Variants in ZNF326 observed in about 807,000 individuals in gnomAD.
The protein encoded by ZNF326 is zinc finger protein 326, also known as DBIRD complex subunit ZNF326.
Under a neutral mutation model 63.1 loss-of-function variants are expected in ZNF326, and 30 were observed. That is an observed-to-expected ratio of 0.48 (90% CI 0.36 to 0.64). The LOEUF (loss-of-function observed/expected upper bound fraction) is 0.64. ZNF326 is among the 30% of genes least tolerant of loss of function. The pLI, the probability that ZNF326 is intolerant of heterozygous loss-of-function variation, is 0.00. For missense variants in ZNF326, 609 were observed against 720.3 expected, an observed-to-expected ratio of 0.85 and a Z score of 1.77; for synonymous variants, 194 against 228.2, an observed-to-expected ratio of 0.85 and a Z score of 1.35.
At chr1:90,014,702 C>T (rs1021061636) in intron 7 of ZNF326, among the ~76,000 whole-genome samples, 3 of 152,124 alleles carry the variant, frequency 2.0e-5, no homozygotes, top group Non-Finnish European at 4.4e-5. Context: ...ACAAAACAAT[C>T]CATAAAAAGA....
In ZNF326 at chr1:90,026,091, G is replaced by A. The variant is rs367806450; in HGVS notation, c.1402-1263G>A. 2.2e-4 allele frequency among the ~76,000 whole-genome samples: 33 copies of A among 152,012 alleles called. No homozygotes were observed. In the South Asian group the frequency reaches 6.4e-3, roughly 30 times the overall value. ...CCATTCTCCTGTCTCAGTTTCCTGA[G>A]TAGCTGGGACTACAGGTGCCTGCTA... On this transcript the variant is annotated intron_variant, in intron 11 of 11. Transcript: ENST00000340281.
At chr1:89,997,205 A>C (rs1251221369) in intron 1 of ZNF326, among the ~76,000 whole-genome samples, 1 of 152,186 alleles carries the variant, frequency 6.6e-6, no homozygotes, top group Non-Finnish European at 1.5e-5. Context: ...CACTATATTA[A>C]ATTCTGTTCT....
At chr1:90,023,408 A>G (rs375379987) in intron 11 of ZNF326, among the ~76,000 whole-genome samples, 3 of 152,198 alleles carry the variant, frequency 2.0e-5, no homozygotes, top group Admixed American at 6.5e-5. Flanking sequence ...CCTGATACAT[A>G]TTTAGTGACC....
intron 9 of ZNF326, among the ~76,000 whole-genome samples, chr1:90,019,582 ACT>A (rs1460683868): frequency 1.6e-4 from 24 of 151,544 alleles, no homozygotes; most frequent in African/African-American, 5.6e-4. Context: ...TTTCTCTGCC[ACT>A]CTTTTAGAAT....
Position 90,029,988 on chromosome 1 carries a change from C to T in ZNF326, c.*2287C>T, listed in dbSNP as rs1442772254. On this transcript the variant is annotated 3_prime_UTR_variant, in exon 12 of 12. Transcript: ENST00000340281. ...TGTATATAAGATCTTAAACGCCTTT[C>T]AACTTCTGTTTTCAAGTATCACTTG... 1 of 152,128 alleles carries T rather than the reference C, an allele frequency of 6.6e-6. No homozygotes were observed. Among genetic ancestry groups the T allele is most frequent in the African/African-American group, 2.4e-5 (1 of 41,442 alleles). 9.4% of individuals were successfully genotyped at this position (152,128 alleles called of 1,614,324 possible). A position where few individuals can be genotyped will look rare whatever the true frequency, so the allele number is the denominator to read the frequency against.
At chr1:90,013,081 T>A in intron 6 of ZNF326, 45 bp from the exon 7 acceptor site, 1 of 1,502,468 alleles carries the variant, frequency 6.7e-7, no homozygotes. Flanking sequence ...AAAGAGAGAA[T>A]GGAAAAATGA....
At chr1:90,006,459 T>C in intron 4 of ZNF326, 1 of 985,420 alleles carries the variant, frequency 1.0e-6, no homozygotes, top group Non-Finnish European at 1.2e-6. Flanking sequence ...ACTTTTGTAA[T>C]CCATGCTTTG....
intron 7 of ZNF326, among the ~76,000 whole-genome samples, chr1:90,017,031 T>C (rs1428149369): frequency 6.6e-6 from 1 of 152,220 alleles, no homozygotes. Flanking sequence ...GTTTTGCCTT[T>C]TTAATTGGTC....
intron 6 of ZNF326, among the ~76,000 whole-genome samples, chr1:90,010,744 A>T (rs1184520055): frequency 6.6e-6 from 1 of 152,146 alleles, no homozygotes; most frequent in Non-Finnish European, 1.5e-5. Flanking sequence ...CATTATAGAC[A>T]TTTTAATATG....
intron 1 of ZNF326, among the ~76,000 whole-genome samples, chr1:89,996,751 A>AG (rs1216455713): frequency 6.6e-6 from 1 of 152,056 alleles, no homozygotes; most frequent in Non-Finnish European, 1.5e-5. Context: ...AAAAAAAAAA[A>AG]CAAAAAACCA....
intron 11 of ZNF326, 133 bp from the exon 12 acceptor site, chr1:90,027,221 A>T: frequency 2.5e-6 from 2 of 806,670 alleles, no homozygotes; most frequent in Non-Finnish European, 4.0e-6. Flanking sequence ...ATACTTAATG[A>T]ATTTGTTATA....
Position 90,010,109 on chromosome 1 carries a change from A to T in ZNF326, c.637A>T (p.Ile213Phe). The change falls in exon 6 of 12, where the codon ATT (isoleucine) becomes TTT (phenylalanine). Residue 213 changes from isoleucine to phenylalanine, a missense_variant. Physicochemically the swap from Ile to Phe is conservative, Grantham distance 21 (BLOSUM62 0). This residue lies in a region of ZNF326 where 399 missense variants were observed against 444.3 expected (regional missense o/e 0.90). Transcript: ENST00000340281. Reference sequence around the variant, plus strand: ...ACAGCATATGGGTGATTTTGGAAGCATTCATAGACCCGGAATTGTTGTTGA... The same window carrying T: ...ACAGCATATGGGTGATTTTGGAAGCTTTCATAGACCCGGAATTGTTGTTGA... ...GRGHMGDFGS[I>F]HRPGIVVDYQ... The T allele has an allele frequency of 6.2e-7, 1 of 1,613,844 alleles. No homozygotes were observed. Among genetic ancestry groups the T allele is most frequent in the Non-Finnish European group, 8.5e-7 (1 of 1,179,798 alleles).
At chr1:90,001,818 A>C (rs1648699715) in intron 2 of ZNF326, among the ~76,000 whole-genome samples, 1 of 152,122 alleles carries the variant, frequency 6.6e-6, no homozygotes, top group Admixed American at 6.5e-5. Context: ...TTGGCCTCCC[A>C]AAGGATTGGG....
At position 90,007,555 on chromosome 1, in the gene ZNF326, A is replaced by T; in HGVS notation, c.420A>T (p.Lys140Asn). 2 of 1,613,868 alleles carry T rather than the reference A, an allele frequency of 1.2e-6. No homozygotes were observed. The highest frequency in any genetic ancestry group is 1.7e-6 in the Non-Finnish European group (2 of 1,179,914). ...GGGAAGCACCTTACTCCCGTTCAAAATTGAGGCCTGGGTTTATGGAGGACA... is the reference window on the plus strand; with the variant it reads ...GGGAAGCACCTTACTCCCGTTCAAATTTGAGGCCTGGGTTTATGGAGGACA... ...SSWEAPYSRS[K>N]LRPGFMEDRG... Residue 140 changes from lysine to asparagine, a missense_variant, in exon 5 of 12, where the codon AAA becomes AAT. Lys to Asn is a moderately conservative substitution (Grantham distance 94). This residue lies in a region of ZNF326 where 113 missense variants were observed against 187.4 expected (regional missense o/e 0.60). Transcript: ENST00000340281. This position sits in a 1 kb window ranked among gnomAD's most constrained non-coding sequence, Gnocchi z 4.9.
intron 5 of ZNF326, 60 bp from the exon 6 acceptor site, chr1:90,010,028 A>G (rs1270415103): frequency 1.3e-6 from 2 of 1,511,058 alleles, no homozygotes; most frequent in Non-Finnish European, 1.8e-6. Flanking sequence ...AAAATTTTAT[A>G]TGAATTCATA....
intron 2 of ZNF326, among the ~76,000 whole-genome samples, chr1:89,999,283 A>G (rs1003533781): frequency 1.3e-5 from 2 of 152,024 alleles, no homozygotes; most frequent in African/African-American, 2.4e-5. Flanking sequence ...AGGGTTGAAT[A>G]AAAATGAATC....
intron 8 of ZNF326, 130 bp downstream of exon 8, chr1:90,017,594 T>A: frequency 1.2e-6 from 1 of 814,854 alleles, no homozygotes; most frequent in Non-Finnish European, 1.8e-6. Flanking sequence ...AAAGAGTTGT[T>A]TTAAAATTAA....
chr1:90,003,824 A>G (rs1297948135), intron 2 of ZNF326, among the ~76,000 whole-genome samples: 1 of 152,186 alleles, frequency 6.6e-6, no homozygotes, highest in Admixed American at 6.5e-5. Context: ...TCAGGTTGCT[A>G]CCAGGTTTAA....
chr1:90,017,473 C>T lies in ZNF326; in HGVS notation c.1074+9C>T, dbSNP rs1179741359. ...TTATGGAGTTTTTGCATGTGAGTAGCTGTTTTTGAAGTGAGAAGCATTTTA... is the reference window on the plus strand; with the variant it reads ...TTATGGAGTTTTTGCATGTGAGTAGTTGTTTTTGAAGTGAGAAGCATTTTA... On this transcript the variant is annotated intron_variant, in intron 8 of 11. Transcript: ENST00000340281. 1 of 1,568,200 alleles carries T rather than the reference C, an allele frequency of 6.4e-7. No individual in the cohort carries two copies. Among genetic ancestry groups the T allele is most frequent in the East Asian group, 2.4e-5 (1 of 42,088 alleles).
Sources: gnomAD v4.1 joint callset for allele counts (sites outside exome capture counted in the v4.1 genomes callset) on GRCh38, gnomAD v4.1.1 for gene constraint, gnomAD v4.1.1 regional missense constraint, Gnocchi (gnomAD v3.1) non-coding constraint, MANE v1.5 for transcripts, NCBI Gene and HGNC (gene_info 2026-07-23, HGNC 2026-07-21) for gene names.